The following ROBO1 variants were observed in gnomAD, a reference collection of about 807,000 sequenced individuals.
ROBO1 encodes the protein roundabout homolog 1.
In ROBO1, 149 loss-of-function variants were observed where a neutral mutation model predicts 195.9. The observed-to-expected ratio is 0.76, with a 90% CI of 0.67 to 0.87. ROBO1 has a LOEUF of 0.87. Among genes scored for constraint, ROBO1 ranks in the 40% least tolerant of loss-of-function variants. ROBO1 has a pLI of 0.00. For missense variants in ROBO1, 1,933 were observed against 2,068.3 expected, an observed-to-expected ratio of 0.93 and a Z score of 1.27; for synonymous variants, 816 against 733.2, an observed-to-expected ratio of 1.11 and a Z score of -1.82.
At chr3:79,323,085 C>CTTTT (rs1175827885) in intron 2 of ROBO1, among the ~76,000 whole-genome samples, 6 of 142,284 alleles carry the variant, frequency 4.2e-5, no homozygotes, top group African/African-American at 7.7e-5. Flanking sequence ...TTCTTTCTTT[C>CTTTT]TTTTTTTTTT....
At chr3:79,637,238 T>C (rs2108051745) in intron 1 of ROBO1, among the ~76,000 whole-genome samples, 2 of 152,290 alleles carry the variant, frequency 1.3e-5, no homozygotes, top group East Asian at 3.9e-4. Flanking sequence ...TGCAAATGTA[T>C]GCACATATTT....
chr3:79,055,492 G>C (rs1029611457), intron 3 of ROBO1, among the ~76,000 whole-genome samples: 3 of 152,072 alleles, frequency 2.0e-5, no homozygotes, highest in African/African-American at 7.2e-5. Context: ...TGGTGGAAAA[G>C]CTGATGAAGT....
At chr3:78,982,144 T>C (rs1374909282) in intron 3 of ROBO1, among the ~76,000 whole-genome samples, 1 of 152,110 alleles carries the variant, frequency 6.6e-6, no homozygotes, top group African/African-American at 2.4e-5. Context: ...TCTGAGGACA[T>C]TTGTCCCAGG....
intron 4 of ROBO1, among the ~76,000 whole-genome samples, chr3:78,912,315 A>G (rs1263946678): frequency 6.6e-6 from 1 of 152,084 alleles, no homozygotes; most frequent in Non-Finnish European, 1.5e-5. Context: ...AATAAGCAAC[A>G]TATCAGCTGC....
chr3:79,210,102 G>A (rs2081943584), intron 2 of ROBO1, among the ~76,000 whole-genome samples: 1 of 152,002 alleles, frequency 6.6e-6, no homozygotes, highest in Admixed American at 6.6e-5. Flanking sequence ...TGGATGAGTA[G>A]AATCTACAGA....
At chr3:78,921,912 G>A (rs1204569578) in intron 4 of ROBO1, among the ~76,000 whole-genome samples, 1 of 151,496 alleles carries the variant, frequency 6.6e-6, no homozygotes, top group Non-Finnish European at 1.5e-5. Context: ...TTGGCCTCCC[G>A]AGTAGCTGGA....
At chr3:79,546,903 CG>C (rs1156548848) in intron 2 of ROBO1, among the ~76,000 whole-genome samples, 1 of 152,022 alleles carries the variant, frequency 6.6e-6, no homozygotes, top group Non-Finnish European at 1.5e-5. Flanking sequence ...GACTTGAGGC[CG>C]GGCGCGGTGG....
chr3:78,631,246 T>C lies in ROBO1; in HGVS notation c.3541A>G (p.Asn1181Asp), dbSNP rs761108655. Residue 1181 changes from asparagine to aspartate, a missense_variant, in exon 25 of 31, where the codon AAC (asparagine) becomes GAC (aspartate). Asn to Asp is a conservative substitution (Grantham distance 23). This residue lies in a region of ROBO1 where 1,737 missense variants were observed against 1,882.5 expected (regional missense o/e 0.92). Coordinates refer to ENST00000464233, the MANE Select transcript of ROBO1 (RefSeq NM_002941.4). ...GGAGGAGGAAGCAGGTCTGCCCAGTTCATGCCACCCTGTTTTGGTACCTTG... is the reference window on the plus strand; with the variant it reads ...GGAGGAGGAAGCAGGTCTGCCCAGTCCATGCCACCCTGTTTTGGTACCTTG... ...TPKVPKQGGMNWADLLPPPPA... is the reference protein window; with the variant it reads ...TPKVPKQGGMDWADLLPPPPA... 1 of 1,613,528 alleles carries C rather than the reference T, an allele frequency of 6.2e-7. No individual in the cohort carries two copies. Among genetic ancestry groups the C allele is most frequent in the Non-Finnish European group, 8.5e-7 (1 of 1,179,684 alleles).
At chr3:79,404,609 C>A (rs75568426) in intron 2 of ROBO1, among the ~76,000 whole-genome samples, 49 of 152,208 alleles carry the variant, frequency 3.2e-4, no homozygotes, top group Non-Finnish European at 2.8e-4. Flanking sequence ...TGGTGCCATG[C>A]ACTGAAGGCC....
At chr3:78,890,527 A>G (rs1365024427) in intron 4 of ROBO1, among the ~76,000 whole-genome samples, 2 of 152,124 alleles carry the variant, frequency 1.3e-5, no homozygotes, top group East Asian at 3.9e-4. Context: ...GTCTATGACA[A>G]TTTGTTATAG....
chr3:79,019,517 G>T, intron 3 of ROBO1: 1 of 985,972 alleles, frequency 1.0e-6, no homozygotes, highest in Non-Finnish European at 1.2e-6. Flanking sequence ...CTCCTCCCCG[G>T]CCCGATAATA....
intron 2 of ROBO1, among the ~76,000 whole-genome samples, chr3:79,374,890 TA>T (rs1320843722): frequency 6.6e-6 from 1 of 152,234 alleles, no homozygotes; most frequent in Non-Finnish European, 1.5e-5. Flanking sequence ...ACTTTAGCTC[TA>T]GGCAAAGGAC....
intron 4 of ROBO1, among the ~76,000 whole-genome samples, chr3:78,926,043 G>A (rs1172929727): frequency 6.6e-6 from 1 of 151,990 alleles, no homozygotes; most frequent in Non-Finnish European, 1.5e-5. Flanking sequence ...GCTAATTCTA[G>A]CATTTTTAGG....
At chr3:79,356,745 T>C (rs751370538) in intron 2 of ROBO1, among the ~76,000 whole-genome samples, 6 of 152,176 alleles carry the variant, frequency 3.9e-5, no homozygotes, top group Admixed American at 1.3e-4. Flanking sequence ...TGCTAGCAAA[T>C]GTGCTAGTGT....
intron 1 of ROBO1, among the ~76,000 whole-genome samples, chr3:79,700,317 T>TTTTG (rs1553793339): frequency 0.06 from 8,617 of 144,202 alleles, 301 homozygotes; most frequent in Middle Eastern, 0.082. Context: ...GTGTGTGTGT[T>TTTTG]TGTGTGTGTG....
At chr3:79,709,670 C>T (rs897132665) in intron 1 of ROBO1, among the ~76,000 whole-genome samples, 9 of 152,008 alleles carry the variant, frequency 5.9e-5, no homozygotes, top group South Asian at 2.1e-4. Context: ...TGCATGAAAA[C>T]GCTTTTGTTA....
At chr3:79,237,750 T>G (rs2082439239) in intron 2 of ROBO1, among the ~76,000 whole-genome samples, 1 of 152,072 alleles carries the variant, frequency 6.6e-6, no homozygotes, top group African/African-American at 2.4e-5. Flanking sequence ...GTTGCTGCTT[T>G]TAAGTACTGG....
intron 2 of ROBO1, among the ~76,000 whole-genome samples, chr3:79,509,007 C>G (rs1940557239): frequency 6.6e-6 from 1 of 151,980 alleles, no homozygotes; most frequent in African/African-American, 2.4e-5. Context: ...AGCTTTTTTT[C>G]AAGGTATAGG....
chr3:78,875,191 C>T (rs548497484), intron 4 of ROBO1, among the ~76,000 whole-genome samples: 1 of 152,052 alleles, frequency 6.6e-6, no homozygotes, highest in South Asian at 2.1e-4. Flanking sequence ...ATGATCTTGG[C>T]ACTAATTTCG....
Sources: gnomAD v4.1 joint callset for allele counts (sites outside exome capture counted in the v4.1 genomes callset) on GRCh38, gnomAD v4.1.1 for gene constraint, gnomAD v4.1.1 regional missense constraint, MANE v1.5 for transcripts, NCBI Gene and HGNC (gene_info 2026-07-23, HGNC 2026-07-21) for gene names.